Variants in FOXJ3 observed in about 807,000 individuals in gnomAD.
The protein encoded by FOXJ3 is forkhead box J3.
FOXJ3 carries 22 observed loss-of-function variants against 76.1 expected under a neutral mutation model. The ratio of observed to expected loss-of-function variants is 0.29; its 90% CI spans 0.21 to 0.41. The LOEUF is 0.41. Ranked by LOEUF, FOXJ3 falls within the 10% of genes least tolerant of loss-of-function variation. The pLI, the probability that FOXJ3 is intolerant of heterozygous loss-of-function variation, is 1.00. For missense variants in FOXJ3, 613 were observed against 762.1 expected, an observed-to-expected ratio of 0.80 and a Z score of 2.30; for synonymous variants, 269 against 261.2, an observed-to-expected ratio of 1.03 and a Z score of -0.29.
chr1:42,181,841 C>A (rs1282701750), intron 12 of FOXJ3, 76 bp downstream of exon 12: 2 of 916,030 alleles, frequency 2.2e-6, no homozygotes, highest in Non-Finnish European at 3.4e-6. Context: ...TCTCTCTCAC[C>A]TGCCATCGTT....
At chr1:42,335,344 T>G (rs1656434972), upstream of FOXJ3, 1 of 152,032 alleles carries the variant, frequency 6.6e-6, no homozygotes, top group East Asian at 1.9e-4. Context: ...CACGGTCGCT[T>G]CGACGCACGC....
chr1:42,334,154 A>C, intron 1 of FOXJ3: 2 of 979,512 alleles, frequency 2.0e-6, no homozygotes, highest in African/African-American at 3.5e-5. Flanking sequence ...ATCGGTAGCA[A>C]GCGCTTATTC....
chr1:42,334,617 C>A (rs1043156772), intron 1 of FOXJ3, among the ~76,000 whole-genome samples: 4 of 152,216 alleles, frequency 2.6e-5, no homozygotes, highest in Non-Finnish European at 5.9e-5. Context: ...CCCGCCCTGC[C>A]GGCAGAAAAG....
rs114880069 is a variant in FOXJ3, at chr1:42,261,759, C to T, written c.444+3356G>A. On this transcript the variant is annotated intron_variant, in intron 4 of 12. Transcript: ENST00000361346. ...AAGGGGTTATAAAGTCCGTCCCATACCCAAGACCAAAATCTACTCCCACCC... is the reference window on the plus strand; with the variant it reads ...AAGGGGTTATAAAGTCCGTCCCATATCCAAGACCAAAATCTACTCCCACCC... Among the ~76,000 whole-genome samples, 1,084 of 152,286 alleles carry T rather than the reference C, an allele frequency of 7.1e-3. 21 individuals carry two copies. Among genetic ancestry groups the T allele is most frequent in the African/African-American group, 0.025 (1,045 of 41,548 alleles).
intron 5 of FOXJ3, among the ~76,000 whole-genome samples, chr1:42,227,190 A>G (rs1443814757): frequency 1.3e-5 from 2 of 152,268 alleles, no homozygotes; most frequent in Non-Finnish European, 2.9e-5. Context: ...GAAGCTTCAC[A>G]AAGCAGTTAA....
chr1:42,257,859 A>T (rs951964753), intron 4 of FOXJ3, among the ~76,000 whole-genome samples: 6 of 152,218 alleles, frequency 3.9e-5, no homozygotes, highest in African/African-American at 1.4e-4. Context: ...AATAAAGTGC[A>T]TTTTAACTAT....
chr1:42,247,127 A>ATGTAT (rs1266004583), intron 4 of FOXJ3, among the ~76,000 whole-genome samples: 1 of 152,140 alleles, frequency 6.6e-6, no homozygotes, highest in Non-Finnish European at 1.5e-5. Flanking sequence ...ATTATCAACA[A>ATGTAT]TGTATTGTTT....
Position 42,274,886 on chromosome 1 carries a change from C to T in FOXJ3, c.369+3462G>A, listed in dbSNP as rs1039004172. Among the ~76,000 whole-genome samples, 57 of 149,154 alleles carry T rather than the reference C, an allele frequency of 3.8e-4. 2 individuals are homozygous for T. Among genetic ancestry groups the T allele is most frequent in the African/African-American group, 4.9e-5 (2 of 40,408 alleles). On this transcript the variant is annotated intron_variant, in intron 3 of 12. Coordinates refer to ENST00000361346, the MANE Select transcript of FOXJ3 (RefSeq NM_014947.5). ...AATATCAACTAAAAAAAAAAGGCGGCGGGGGGGCAAAAGAGACAAGGTCCA... is the reference window on the plus strand; with the variant it reads ...AATATCAACTAAAAAAAAAAGGCGGTGGGGGGGCAAAAGAGACAAGGTCCA...
intron 5 of FOXJ3, among the ~76,000 whole-genome samples, chr1:42,220,715 G>A (rs1367116694): frequency 6.6e-6 from 1 of 152,138 alleles, no homozygotes; most frequent in Non-Finnish European, 1.5e-5. Flanking sequence ...CAATGAGATC[G>A]AGCTCTAGGT....
At chr1:42,290,835 T>C (rs2124703780) in intron 2 of FOXJ3, among the ~76,000 whole-genome samples, 1 of 152,220 alleles carries the variant, frequency 6.6e-6, no homozygotes, top group African/African-American at 2.4e-5. Flanking sequence ...ATTTGGTAAT[T>C]TGTAAATATG....
At chr1:42,220,252 A>C (rs1410293179) in intron 5 of FOXJ3, among the ~76,000 whole-genome samples, 2 of 152,188 alleles carry the variant, frequency 1.3e-5, no homozygotes, top group Non-Finnish European at 2.9e-5. Flanking sequence ...TTTCAATTAC[A>C]CGAAACAATA....
At chr1:42,209,896 T>G (rs1646933134) in intron 5 of FOXJ3, among the ~76,000 whole-genome samples, 1 of 152,152 alleles carries the variant, frequency 6.6e-6, no homozygotes, top group South Asian at 2.1e-4. Context: ...GTGAGAAGTG[T>G]GCTACAGCCA....
At chr1:42,272,357 C>CTGCG (rs1651925523) in intron 3 of FOXJ3, among the ~76,000 whole-genome samples, 1 of 152,170 alleles carries the variant, frequency 6.6e-6, no homozygotes, top group Admixed American at 6.5e-5. Flanking sequence ...AGAACAAGGC[C>CTGCG]TGCGCAAAGG....
intron 8 of FOXJ3, 137 bp downstream of exon 8, chr1:42,194,753 G>A (rs1370868585): frequency 2.1e-5 from 13 of 618,352 alleles, no homozygotes; most frequent in Non-Finnish European, 3.5e-5. Context: ...AAGGCACAAA[G>A]GGCAAAATAC....
intron 3 of FOXJ3, 96 bp from the exon 4 acceptor site, chr1:42,265,285 T>C (rs1224099051): frequency 3.2e-6 from 2 of 622,446 alleles, no homozygotes; most frequent in Admixed American, 3.0e-5. Flanking sequence ...TCTTTATGCT[T>C]TGCAAAACAA....
chr1:42,325,314 GC>G (rs1655763722), intron 1 of FOXJ3, among the ~76,000 whole-genome samples: 1 of 152,136 alleles, frequency 6.6e-6, no homozygotes, highest in Non-Finnish European at 1.5e-5. Flanking sequence ...TTCCCTTAAA[GC>G]CATCTATTCA....
chr1:42,323,669 A>G (rs1427847804), intron 1 of FOXJ3: 1 of 975,300 alleles, frequency 1.0e-6, no homozygotes, highest in Non-Finnish European at 1.2e-6. Flanking sequence ...CTAAGAGACT[A>G]TGCCTCTTAA....
intron 7 of FOXJ3, 43 bp downstream of exon 7, chr1:42,199,059 C>T (rs1453592186): frequency 6.5e-7 from 1 of 1,526,738 alleles, no homozygotes. Flanking sequence ...GTTTTAAGTA[C>T]TAAATGAATA....
chr1:42,267,662 GA>G (rs1037345067), intron 3 of FOXJ3, among the ~76,000 whole-genome samples: 1 of 146,684 alleles, frequency 6.8e-6, no homozygotes, highest in South Asian at 2.1e-4. Flanking sequence ...AGAACTATCA[GA>G]AAAAAAAAAT....
Sources: gnomAD v4.1 joint callset for allele counts (sites outside exome capture counted in the v4.1 genomes callset) on GRCh38, gnomAD v4.1.1 for gene constraint, MANE v1.5 for transcripts, NCBI Gene and HGNC (gene_info 2026-07-23, HGNC 2026-07-21) for gene names.